The following TMEM71 variants were observed in gnomAD, a reference collection of about 807,000 sequenced individuals.
The protein encoded by TMEM71 is transmembrane protein 71.
TMEM71 carries 44 observed loss-of-function variants against 38.0 expected under a neutral mutation model. The ratio of observed to expected loss-of-function variants is 1.16; its 90% CI spans 0.91 to 1.49. The LOEUF (loss-of-function observed/expected upper bound fraction) is 1.49. Ranked by LOEUF, TMEM71 falls within the 40% of genes most tolerant of loss-of-function variation. The probability of loss-of-function intolerance (pLI) is 0.00; values close to 1 mark genes in which losing one functional copy is unlikely to be tolerated. For synonymous variants in TMEM71, 133 were observed against 122.5 expected, an observed-to-expected ratio of 1.09 and a Z score of -0.56; for missense variants, 367 against 348.6, an observed-to-expected ratio of 1.05 and a Z score of -0.42.
chr8:132,759,928 A>G (rs1829238690), intron 1 of TMEM71, among the ~76,000 whole-genome samples: 1 of 152,198 alleles, frequency 6.6e-6, no homozygotes. Context: ...CACATTTACA[A>G]ATTTCATTTG....
chr8:132,735,503 T>A (rs1201776165), intron 5 of TMEM71, among the ~76,000 whole-genome samples: 1 of 152,200 alleles, frequency 6.6e-6, no homozygotes, highest in Non-Finnish European at 1.5e-5. Flanking sequence ...AAGATGTGAT[T>A]ACTCTGACAG....
the TMEM71 span, among the ~76,000 whole-genome samples, chr8:132,767,537 C>T: frequency 6.0e-5 from 9 of 150,306 alleles, no homozygotes; most frequent in Middle Eastern, 3.2e-3. Flanking sequence ...TGCAGTGGCA[C>T]GATCTCAGCT....
intron 5 of TMEM71, among the ~76,000 whole-genome samples, chr8:132,746,244 T>C (rs920309509): frequency 6.6e-6 from 1 of 150,652 alleles, no homozygotes; most frequent in East Asian, 1.9e-4. Context: ...TACATGTATA[T>C]ACACATATTT....
intron 5 of TMEM71, among the ~76,000 whole-genome samples, chr8:132,734,306 A>G (rs1827626924): frequency 1.3e-5 from 2 of 152,170 alleles, no homozygotes; most frequent in African/African-American, 4.8e-5. Flanking sequence ...TGTACACATG[A>G]AATATGTGCA....
chr8:132,744,720 A>G (rs1028433766), intron 5 of TMEM71, among the ~76,000 whole-genome samples: 1 of 152,336 alleles, frequency 6.6e-6, no homozygotes, highest in African/African-American at 2.4e-5. Flanking sequence ...TTGAATAGCC[A>G]AAGCAATTCT....
chr8:132,723,654 A>G (rs1368514004), intron 6 of TMEM71, among the ~76,000 whole-genome samples: 1 of 152,180 alleles, frequency 6.6e-6, no homozygotes, highest in East Asian at 1.9e-4. Flanking sequence ...CTAAACTGCA[A>G]GCTCATTGAG....
At chr8:132,754,091 T>G (rs1828875635) in intron 3 of TMEM71, among the ~76,000 whole-genome samples, 1 of 152,206 alleles carries the variant, frequency 6.6e-6, no homozygotes, top group South Asian at 2.1e-4. Flanking sequence ...GAGTTCCTCT[T>G]AAATATCATG....
chr8:132,753,335 C>G (rs1296595383), intron 3 of TMEM71, among the ~76,000 whole-genome samples: 1 of 150,906 alleles, frequency 6.6e-6, no homozygotes, highest in Non-Finnish European at 1.5e-5. Context: ...AATCAATTAA[C>G]AGCACTGATA....
rs1029506665 is a variant in TMEM71 at position 132,710,768 on chromosome 8, T to C, written c.*199A>G. The stretch of plus-strand genomic sequence containing the variant: ...TTTGCAAAGGGAAGGCAAATTAATA[T>C]TATTTTCATGAGCATATTATAATTT... On this transcript the variant is annotated 3_prime_UTR_variant, in exon 10 of 10. Coordinates refer to ENST00000677595, the MANE Select transcript of TMEM71 (RefSeq NM_001382403.1). The C allele has an allele frequency of 3.3e-6, 2 of 597,812 alleles. No homozygotes were observed. Among genetic ancestry groups the C allele is most frequent in the South Asian group, 2.2e-5 (1 of 46,158 alleles). The allele number at this position is 597,812 out of a possible 1,614,324, so 37.0% of individuals were successfully genotyped here. A position where few individuals can be genotyped will look rare whatever the true frequency, so the allele number is the denominator to read the frequency against.
intron 5 of TMEM71, among the ~76,000 whole-genome samples, chr8:132,741,908 C>T (rs925830829): frequency 2.0e-5 from 3 of 152,192 alleles, no homozygotes; most frequent in South Asian, 2.1e-4. Flanking sequence ...TGCTATGTAG[C>T]GGGTGTTGTT....
At chr8:132,761,644 C>T (rs1474848867), upstream of TMEM71, among the ~76,000 whole-genome samples, 2 of 152,218 alleles carry the variant, frequency 1.3e-5, no homozygotes, top group African/African-American at 4.8e-5. Context: ...GTCTCTGGAA[C>T]TTCATGTCTA....
chr8:132,751,882 AGTAGCCATTG>A lies in TMEM71; in HGVS notation c.207_216del (p.Asn70IlefsTer16), dbSNP rs1563755978. Reference sequence around the variant, plus strand: ...AGGAAGCTGTCTTCAGTCCAAATATAGTAGCCATTGGTGAGGAGTCTGGGACTTCGGCGAC... The same window carrying A: ...AGGAAGCTGTCTTCAGTCCAAATATAGTGAGGAGTCTGGGACTTCGGCGAC... On this transcript the variant is annotated frameshift_variant, in exon 4 of 10. Transcript: ENST00000677595. LOFTEE classifies it high-confidence loss of function. The A allele has an allele frequency of 3.7e-6, 6 of 1,614,058 alleles. No individual in the cohort carries two copies. Among genetic ancestry groups the A allele is most frequent in the Non-Finnish European group, 5.1e-6 (6 of 1,180,038 alleles).
chr8:132,763,008 G>T (rs1489488305), upstream of TMEM71, among the ~76,000 whole-genome samples: 1 of 152,104 alleles, frequency 6.6e-6, no homozygotes, highest in Non-Finnish European at 1.5e-5. Flanking sequence ...CTTCTCTCTT[G>T]AGACCCACTC....
intron 5 of TMEM71, among the ~76,000 whole-genome samples, chr8:132,741,546 G>T (rs988216691): frequency 5.4e-5 from 8 of 147,152 alleles, no homozygotes; most frequent in Admixed American, 5.4e-4. Flanking sequence ...GATAGGTAAG[G>T]TCACGTGGGT....
intron 6 of TMEM71, among the ~76,000 whole-genome samples, chr8:132,727,158 T>G (rs1214077151): frequency 6.6e-6 from 1 of 152,166 alleles, no homozygotes; most frequent in Non-Finnish European, 1.5e-5. Flanking sequence ...TGCCTTCTTA[T>G]GTAGTATGTC....
At chr8:132,731,776 A>G (rs1827469509) in intron 5 of TMEM71, among the ~76,000 whole-genome samples, 1 of 152,246 alleles carries the variant, frequency 6.6e-6, no homozygotes. Flanking sequence ...ATGTAGTAGG[A>G]ACTTCAAGGG....
intron 5 of TMEM71, among the ~76,000 whole-genome samples, chr8:132,738,473 C>A (rs948179794): frequency 4.6e-5 from 7 of 152,170 alleles, no homozygotes; most frequent in African/African-American, 1.7e-4. Flanking sequence ...CTATTTCCTG[C>A]CACTTCCTTA....
intron 2 of TMEM71, 101 bp downstream of exon 2, chr8:132,758,739 G>T: frequency 1.0e-6 from 1 of 954,942 alleles, no homozygotes; most frequent in Non-Finnish European, 1.7e-6. Flanking sequence ...ACTGACAGAT[G>T]GTTAATGGTC....
chr8:132,746,423 A>G (rs1396417209), intron 5 of TMEM71, among the ~76,000 whole-genome samples: 1 of 46,498 alleles, frequency 2.2e-5, no homozygotes, highest in African/African-American at 5.9e-5. Context: ...ACACACATAT[A>G]TATACATATA....
Sources: gnomAD v4.1 joint callset for allele counts (sites outside exome capture counted in the v4.1 genomes callset) on GRCh38, gnomAD v4.1.1 for gene constraint, MANE v1.5 for transcripts, NCBI Gene and HGNC (gene_info 2026-07-23, HGNC 2026-07-21) for gene names.